FHOD1: variants seen among roughly 807,000 people sequenced by gnomAD.
The protein encoded by FHOD1 is FH1/FH2 domain-containing protein 1.
Under a neutral mutation model 111.6 loss-of-function variants are expected in FHOD1, and 89 were observed. The ratio of observed to expected loss-of-function variants is 0.80; its 90% confidence interval spans 0.67 to 0.95. The LOEUF (loss-of-function observed/expected upper bound fraction) is 0.95. FHOD1 is among the 40% of genes least tolerant of loss of function. The probability of loss-of-function intolerance (pLI) is 0.00; values close to 1 mark genes in which losing one functional copy is unlikely to be tolerated. For missense variants in FHOD1, 1,446 were observed against 1,554.2 expected (o/e 0.93, Z 1.17); for synonymous variants, 618 against 639.0 (o/e 0.97, Z 0.50).
chr16:67,236,570 T>C lies in FHOD1; in HGVS notation c.1306A>G (p.Arg436Gly). The C allele has an allele frequency of 6.2e-7, 1 of 1,613,232 alleles. No individual in the cohort carries two copies. The change falls in exon 11 of 22, where the codon AGG becomes GGG. Residue 436 changes from arginine (R) to glycine (G), a missense_variant. Transcript: ENST00000258201. ...VAPSADTSSE[R>G]SIYKARFLEN... ...CTCCCTACTTACTTGTAGATGCTCC[T>C]CTCGCTGGAGGTGTCAGCTGAGGGT...
In FHOD1 at chr16:67,233,861, C is replaced by G. The variant is rs770664121; in HGVS notation, c.1842G>C (p.Val614=). The part of the protein sequence containing the change: ...LPLAAPLPHS[V]PDSSALPTKR... ...TAGTGGGGAGGGCTGAGCTGTCAGG[C>G]ACTGAATGGGGAAGAGGGGCAGCCA... The change falls in exon 13 of 22, where the codon GTG becomes GTC. Residue 614 remains valine (V), a synonymous_variant. Transcript: ENST00000258201. 9.2e-5 allele frequency: 148 copies of G among 1,604,868 alleles called. No homozygotes were observed. Among genetic ancestry groups the G allele is most frequent in the Non-Finnish European group, 1.2e-4 (145 of 1,176,058 alleles).
rs1216765074 is a variant in FHOD1, at chr16:67,237,512, G to C, written c.812C>G (p.Pro271Arg). The change falls in exon 8 of 22, where the codon CCT becomes CGT. Residue 271 changes from proline to arginine, a missense_variant. Pro to Arg is a moderately radical substitution (Grantham distance 103, BLOSUM62 -2). This residue lies in a region of FHOD1 where 234 missense variants were observed against 327.4 expected (regional missense o/e 0.71). Transcript: ENST00000258201. The surrounding 1 kb of genome is among the most constrained non-coding windows in gnomAD (Gnocchi z 5.6). Reference sequence around the variant, plus strand: ...GGTGACCGTGTACACCAACAACTCAGGGTCAGCGCCATTCTTCTCCTCCAG... The same window carrying C: ...GGTGACCGTGTACACCAACAACTCACGGTCAGCGCCATTCTTCTCCTCCAG... Reference protein sequence around the residue: ...SILEEKNGADPELLVYTVTLI... With the variant: ...SILEEKNGADRELLVYTVTLI... 1.9e-6 allele frequency: 3 copies of C among 1,614,080 alleles called. No individual in the cohort carries two copies. The African/African-American group carries it at 4.0e-5, about 22-fold the overall frequency.
At chr16:67,244,551 G>A (rs909227425) in intron 1 of FHOD1, among the ~76,000 whole-genome samples, 1 of 152,136 alleles carries the variant, frequency 6.6e-6, no homozygotes, top group African/African-American at 2.4e-5. Flanking sequence ...AAGGCTTTCT[G>A]AGATCTGAAA....
In FHOD1 at chr16:67,229,453, C is replaced by T. The variant is rs2034155240; in HGVS notation, c.*183G>A. 1.6e-6 allele frequency: 1 copy of T among 626,918 alleles called. No homozygotes were observed. Among genetic ancestry groups the T allele is most frequent in the African/African-American group, 1.8e-5 (1 of 54,460 alleles). 38.8% of individuals were successfully genotyped at this position (626,918 alleles called of 1,614,324 possible). Reference sequence around the variant, plus strand: ...CAAGGAGCTCACACACATGCACATGCATATGCATGCACACACACACATACA... The same window carrying T: ...CAAGGAGCTCACACACATGCACATGTATATGCATGCACACACACACATACA... On this transcript the variant is annotated 3_prime_UTR_variant, in exon 22 of 22. Transcript: ENST00000258201.
At chr16:67,245,760 G>C (rs989630155) in intron 1 of FHOD1, among the ~76,000 whole-genome samples, 6 of 151,594 alleles carry the variant, frequency 4.0e-5, no homozygotes, top group African/African-American at 1.5e-4. Flanking sequence ...AAAAAAAATC[G>C]GGGGGGTGGT....
Position 67,232,111 on chromosome 16 carries a change from C to T in FHOD1, c.2130G>A (p.Leu710=). 1 of 1,614,200 alleles carries T rather than the reference C, an allele frequency of 6.2e-7. No homozygotes were observed. The highest frequency in any genetic ancestry group is 8.5e-7 in the Non-Finnish European group (1 of 1,180,036). The part of the protein sequence containing the change: ...SNAINIGLTT[L]PPVHVIKAAL... ...CAGCCTTAATGACATGCACAGGTGG[C>T]AGTGTGGTTAGGCCGATGTTGATGG... Residue 710 remains leucine, a synonymous_variant, in exon 14 of 22, where the codon CTG becomes CTA. Coordinates refer to ENST00000258201, the MANE Select transcript of FHOD1 (RefSeq NM_013241.3).
chr16:67,234,161 CT>C lies in FHOD1; in HGVS notation c.1541del (p.Glu514GlyfsTer6). 1.9e-6 allele frequency: 3 copies of C among 1,558,552 alleles called. No individual in the cohort carries two copies. Among genetic ancestry groups the C allele is most frequent in the Non-Finnish European group, 2.6e-6 (3 of 1,150,174 alleles). ...LLRAQRSLAP[E>X]PKEPLIPASP... The stretch of plus-strand genomic sequence containing the variant: ...TTGCTGGTATCAGTGGCTCCTTGGG[CT>C]CTGGTGCAAGGCTTCGCTGGGCCCG... On this transcript the variant is annotated frameshift_variant, in exon 13 of 22. Transcript: ENST00000258201. LOFTEE classifies it high-confidence loss of function.
At position 67,231,462 on chromosome 16, in the gene FHOD1, G is replaced by A; in HGVS notation, c.2473C>T (p.Leu825=). The change falls in exon 16 of 22, where the codon CTA becomes TTA. Residue 825 remains leucine, a synonymous_variant. Coordinates refer to ENST00000258201, the MANE Select transcript of FHOD1 (RefSeq NM_013241.3). The surrounding 1 kb of genome is among the most constrained non-coding windows in gnomAD (Gnocchi z 4.3). ...CCATTGAGGAAGTTGCCCACCGCTA[G>A]GAGGGTAGCCAGGATGCAGCGGAAG... ...ATFRCILATL[L]AVGNFLNGSQ... is the part of the protein sequence containing the mutation. 3 of 1,614,192 alleles carry A rather than the reference G, an allele frequency of 1.9e-6. No homozygotes were observed. The highest frequency in any genetic ancestry group is 1.1e-5 in the South Asian group (1 of 91,084).
Position 67,236,747 on chromosome 16 carries a change from CTG to C in FHOD1, c.1143-16_1143-15del. 8.1e-7 allele frequency: 1 copy of C among 1,241,266 alleles called. No individual in the cohort carries two copies. Among genetic ancestry groups the C allele is most frequent in the Non-Finnish European group, 1.0e-6 (1 of 968,142 alleles). The allele number at this position is 1,241,266 out of a possible 1,614,324, so 76.9% of individuals were successfully genotyped here. The stretch of plus-strand genomic sequence containing the variant: ...GGGCCTGTGGGGCTGAAAGCAGGGG[CTG>C]TCAGTGGGGCGGGGCCTGAGAAGCT... On this transcript the variant is annotated splice_polypyrimidine_tract_variant and intron_variant, in intron 10 of 21. Transcript: ENST00000258201.
intron 1 of FHOD1, among the ~76,000 whole-genome samples, chr16:67,242,941 T>G (rs1055611831): frequency 6.6e-6 from 1 of 151,332 alleles, no homozygotes; most frequent in African/African-American, 2.4e-5. Flanking sequence ...TGTCTATAGA[T>G]ATTGATAATT....
At position 67,232,191 on chromosome 16, in the gene FHOD1, C is replaced by T. The variant is rs2034304843; in HGVS notation, c.2050G>A (p.Ala684Thr). 1 of 1,614,058 alleles carries T rather than the reference C, an allele frequency of 6.2e-7. No individual in the cohort carries two copies. The highest frequency in any genetic ancestry group is 8.5e-7 in the Non-Finnish European group (1 of 1,179,992). The change falls in exon 14 of 22, where the codon GCT (alanine) becomes ACT (threonine). Residue 684 changes from alanine to threonine, a missense_variant. Ala to Thr is a moderately conservative substitution (Grantham distance 58). Coordinates refer to ENST00000258201, the MANE Select transcript of FHOD1 (RefSeq NM_013241.3). The part of the protein sequence containing the change: ...RAKEVLPSKK[A>T]GEGRRTMTTV... ...GTCATTGTCCGGCGGCCCTCTCCAG[C>T]TTTCTGCATGGTTGGGGGAAGGGCA...
chr16:67,238,302 G>T lies in FHOD1; in HGVS notation c.447C>A (p.Asp149Glu). 2 of 1,614,140 alleles carry T rather than the reference G, an allele frequency of 1.2e-6. No individual in the cohort carries two copies. Among genetic ancestry groups the T allele is most frequent in the Non-Finnish European group, 1.7e-6 (2 of 1,180,026 alleles). The change falls in exon 5 of 22, where the codon GAC (aspartate) becomes GAA (glutamate). Residue 149 changes from aspartate (D) to glutamate (E), a missense_variant. Physicochemically the swap from Asp to Glu is conservative, Grantham distance 45. Coordinates refer to ENST00000258201, the MANE Select transcript of FHOD1 (RefSeq NM_013241.3). This position sits in a 1 kb window ranked among gnomAD's most constrained non-coding sequence, Gnocchi z 4.2. The stretch of plus-strand genomic sequence containing the variant: ...GCACAAATTCAGGCACCAGGTCTTT[G>T]TCCTCCTAGAGGCACCATGGGGGAG... ...LFSLKQIFQE[D>E]KDLVPEFVHS...
chr16:67,230,236 A>G lies in FHOD1; in HGVS notation c.3052-8T>C. The G allele has an allele frequency of 6.2e-7, 1 of 1,613,806 alleles. No individual in the cohort carries two copies. Among genetic ancestry groups the G allele is most frequent in the Non-Finnish European group, 8.5e-7 (1 of 1,179,810 alleles). On this transcript the variant is annotated splice_region_variant and splice_polypyrimidine_tract_variant and intron_variant, in intron 19 of 21. Coordinates refer to ENST00000258201, the MANE Select transcript of FHOD1 (RefSeq NM_013241.3). ...ACCTGAGAACTTCTCTGTCTGGAGA[A>G]AGAAGAAGGGTGAGCTGGGAGGAGC...
chr16:67,232,243 C>G, intron 13 of FHOD1, 49 bp from the exon 14 acceptor site: 1 of 1,599,880 alleles, frequency 6.3e-7, no homozygotes, highest in East Asian at 2.2e-5. Flanking sequence ...GGGGGCCTGA[C>G]GCGGTGGCTC....
At chr16:67,245,304 G>A (rs1187176588) in intron 1 of FHOD1, among the ~76,000 whole-genome samples, 3 of 152,338 alleles carry the variant, frequency 2.0e-5, no homozygotes, top group Middle Eastern at 6.8e-3. Flanking sequence ...GAGCTCAGTA[G>A]TGTCCTCAGC....
Position 67,238,865 on chromosome 16 carries a change from G to A in FHOD1, c.373+38C>T. On this transcript the variant is annotated intron_variant, in intron 3 of 21. Transcript: ENST00000258201. The surrounding 1 kb of genome is among the most constrained non-coding windows in gnomAD (Gnocchi z 4.2). Reference sequence around the variant, plus strand: ...AGGTGAGCCAACTGGGCTATGGGGAGGAGGTGCTGCTGGACATGGATGCTC... The same window carrying A: ...AGGTGAGCCAACTGGGCTATGGGGAAGAGGTGCTGCTGGACATGGATGCTC... 1 of 1,604,594 alleles carries A rather than the reference G, an allele frequency of 6.2e-7. No homozygotes were observed. The highest frequency in any genetic ancestry group is 1.1e-5 in the South Asian group (1 of 90,882).
chr16:67,233,583 C>T, intron 13 of FHOD1, 74 bp downstream of exon 13: 3 of 1,493,130 alleles, frequency 2.0e-6, no homozygotes, highest in Non-Finnish European at 2.7e-6. Context: ...GTGACTAGCT[C>T]CAACAGGTCA....
rs373647547 is a variant in FHOD1 at position 67,234,165 on chromosome 16, G to T, written c.1538C>A (p.Pro513Gln). ...VLLRAQRSLA[P>Q]EPKEPLIPAS... ...TGGTATCAGTGGCTCCTTGGGCTCT[G>T]GTGCAAGGCTTCGCTGGGCCCGGAG... Residue 513 changes from proline (P) to glutamine (Q), a missense_variant, in exon 13 of 22, where the codon CCA (proline) becomes CAA (glutamine). Physicochemically the swap from Pro to Gln is moderately conservative, Grantham distance 76. Around this residue, in one of 3 missense-constraint regions of FHOD1, gnomAD observed 1,085 missense variants for 1,108.8 expected, o/e 0.98. Coordinates refer to ENST00000258201, the MANE Select transcript of FHOD1 (RefSeq NM_013241.3). 2.6e-6 allele frequency: 4 copies of T among 1,555,710 alleles called. No individual in the cohort carries two copies. The highest frequency in any genetic ancestry group is 3.5e-6 in the Non-Finnish European group (4 of 1,149,084).
chr16:67,236,227 G>A (rs2142282025), intron 11 of FHOD1, among the ~76,000 whole-genome samples: 1 of 152,358 alleles, frequency 6.6e-6, no homozygotes, highest in Non-Finnish European at 1.5e-5. Flanking sequence ...GTGGAGGGGA[G>A]AGACTGACGT....
Sources: allele counts gnomAD v4.1 joint callset (sites outside exome capture counted in the v4.1 genomes callset), GRCh38; gene constraint gnomAD v4.1.1; regional missense constraint gnomAD v4.1.1; non-coding constraint Gnocchi (gnomAD v3.1); transcripts MANE v1.5; gene names NCBI Gene and HGNC (gene_info 2026-07-23, HGNC 2026-07-21).